Variants in MED13L observed in about 807,000 individuals in gnomAD.
MED13L encodes the protein mediator complex subunit 13L.
A neutral mutation model predicts 220.9 loss-of-function variants in MED13L; 7 were observed. That is an observed-to-expected ratio of 0.03 (90% CI 0.02 to 0.06). The LOEUF is 0.06. Among genes scored for constraint, MED13L ranks in the 10% least tolerant of loss-of-function variants. MED13L has a pLI of 1.00. For missense variants in MED13L, 1,965 were observed against 2,760.5 expected (o/e 0.71, Z 6.46); for synonymous variants, 1,011 against 1,015.2 (o/e 1.00, Z 0.08).
chr12:116,076,818 A>T (rs1870840674), intron 4 of MED13L, among the ~76,000 whole-genome samples: 1 of 152,222 alleles, frequency 6.6e-6, no homozygotes, highest in Non-Finnish European at 1.5e-5. Flanking sequence ...CCAATTTTTC[A>T]GTCATTACTG....
intron 4 of MED13L, among the ~76,000 whole-genome samples, chr12:116,065,879 A>C (rs1345722471): frequency 2.0e-5 from 3 of 152,260 alleles, no homozygotes; most frequent in Admixed American, 2.0e-4. Flanking sequence ...AAACAATGAC[A>C]GTTGCTCTAC....
At chr12:115,969,651 T>G (rs536360419) in intron 27 of MED13L, among the ~76,000 whole-genome samples, 3 of 151,926 alleles carry the variant, frequency 2.0e-5, no homozygotes, top group African/African-American at 4.8e-5. Flanking sequence ...CTCGGCTCAC[T>G]GCAACCTCTG....
At chr12:116,228,339 T>C (rs1869211716) in intron 2 of MED13L, among the ~76,000 whole-genome samples, 1 of 152,168 alleles carries the variant, frequency 6.6e-6, no homozygotes, top group Admixed American at 6.5e-5. Flanking sequence ...TTTCTAGAGA[T>C]AGGGTCTTAC....
chr12:115,982,387 G>T lies in MED13L; in HGVS notation c.5172C>A (p.Leu1724=). Residue 1724 remains leucine (L), a synonymous_variant, in exon 22 of 31, where the codon CTC becomes CTA. Coordinates refer to ENST00000281928, the MANE Select transcript of MED13L (RefSeq NM_015335.5). ...TAATAAACTTGCAAACAGTAACCTG[G>T]AGAATGAAAGAATTTCTCATATGCT... ...LPEHMRNSFI[L]QIVPCQYMLQ... 3 of 1,608,968 alleles carry T rather than the reference G, an allele frequency of 1.9e-6. No individual in the cohort carries two copies. Among genetic ancestry groups the T allele is most frequent in the Middle Eastern group, 1.7e-4 (1 of 6,042 alleles).
At chr12:116,171,590 G>T (rs192502384) in intron 2 of MED13L, among the ~76,000 whole-genome samples, 48 of 152,176 alleles carry the variant, frequency 3.2e-4, no homozygotes, top group Admixed American at 2.2e-3. Flanking sequence ...TCTTGCAATG[G>T]CTCCAGTTTT....
At chr12:115,965,141 CTATGTGTGTACGTG>C (rs1316083333) in intron 29 of MED13L, among the ~76,000 whole-genome samples, 1 of 152,146 alleles carries the variant, frequency 6.6e-6, no homozygotes, top group African/African-American at 2.4e-5. Flanking sequence ...ATATACACAG[CTATGTGTGTACGTG>C]TATATGTGTG....
At chr12:116,212,870 C>T (rs1166773166) in intron 2 of MED13L, among the ~76,000 whole-genome samples, 1 of 152,138 alleles carries the variant, frequency 6.6e-6, no homozygotes, top group Non-Finnish European at 1.5e-5. Context: ...TATTAATCAT[C>T]TTTTGAAACT....
intron 4 of MED13L, among the ~76,000 whole-genome samples, chr12:116,035,775 G>C (rs918453429): frequency 1.2e-4 from 18 of 151,964 alleles, no homozygotes; most frequent in Admixed American, 1.3e-4. Flanking sequence ...ATTTTTGGTA[G>C]AGACGGGGTT....
intron 21 of MED13L, among the ~76,000 whole-genome samples, chr12:115,982,909 A>G (rs1877427560): frequency 6.6e-6 from 1 of 152,244 alleles, no homozygotes; most frequent in African/African-American, 2.4e-5. Context: ...GTTTAATAAT[A>G]AAGTTTATAA....
chr12:116,193,059 C>T (rs565730932), intron 2 of MED13L, among the ~76,000 whole-genome samples: 11 of 152,234 alleles, frequency 7.2e-5, no homozygotes, highest in African/African-American at 2.4e-4. Flanking sequence ...ACTGGGGAGG[C>T]GGAGGTTCGC....
chr12:116,165,769 T>C (rs80330367), intron 2 of MED13L, among the ~76,000 whole-genome samples: 15 of 152,276 alleles, frequency 9.9e-5, no homozygotes, highest in Non-Finnish European at 1.2e-4. Context: ...ATATGTAACA[T>C]GGATTCTCCT....
chr12:116,120,477 TCACACACACACACACACA>T (rs1158069310), intron 2 of MED13L, among the ~76,000 whole-genome samples: 26 of 79,470 alleles, frequency 3.3e-4, no homozygotes, highest in South Asian at 6.0e-4. Flanking sequence ...TCTCTCTCTC[TCACACACACACACACACA>T]CACACACACA....
intron 2 of MED13L, among the ~76,000 whole-genome samples, chr12:116,235,414 T>A (rs945916469): frequency 6.6e-6 from 1 of 152,174 alleles, no homozygotes; most frequent in Admixed American, 6.5e-5. Flanking sequence ...CAATACTACA[T>A]TTAATTAGAA....
chr12:116,182,236 A>T (rs1304695608), intron 2 of MED13L, among the ~76,000 whole-genome samples: 2 of 152,182 alleles, frequency 1.3e-5, no homozygotes, highest in African/African-American at 4.8e-5. Flanking sequence ...ACCCATTCAA[A>T]CTGGTCTTAC....
rs180721532 is a variant in MED13L at position 116,006,338 on chromosome 12, G to C, written c.2312C>G (p.Ala771Gly). The change falls in exon 12 of 31, where the codon GCC becomes GGC. Residue 771 changes from alanine to glycine, a missense_variant. This residue lies in a region of MED13L where 818 missense variants were observed against 1,041.2 expected (regional missense o/e 0.79). Transcript: ENST00000281928. Reference sequence around the variant, plus strand: ...AGTAGCAGAACTGAAAATAGACATGGCATTTTTCCCATCAGGCACCGGCGT... The same window carrying C: ...AGTAGCAGAACTGAAAATAGACATGCCATTTTTCCCATCAGGCACCGGCGT... ...HSTPVPDGKN[A>G]MSIFSSATKT... 6 of 1,613,854 alleles carry C rather than the reference G, an allele frequency of 3.7e-6. No homozygotes were observed. In the East Asian group the frequency reaches 1.1e-4, roughly 30 times the overall value.
intron 1 of MED13L, among the ~76,000 whole-genome samples, chr12:116,259,654 T>G (rs889558309): frequency 2.0e-5 from 3 of 152,194 alleles, no homozygotes; most frequent in African/African-American, 7.2e-5. Context: ...TCTTTCTACC[T>G]TATGTGTGAT....
At chr12:116,062,653 A>T (rs1321534456) in intron 4 of MED13L, among the ~76,000 whole-genome samples, 1 of 151,888 alleles carries the variant, frequency 6.6e-6, no homozygotes, top group African/African-American at 2.4e-5. Flanking sequence ...ACACCAAGCT[A>T]ATTTTTGTAT....
intron 2 of MED13L, among the ~76,000 whole-genome samples, chr12:116,167,990 A>C (rs1261028931): frequency 6.6e-6 from 1 of 152,198 alleles, no homozygotes; most frequent in Non-Finnish European, 1.5e-5. Context: ...GCTTTAAAAA[A>C]AATAAAAATC....
At chr12:116,100,382 T>G (rs1389402116) in intron 3 of MED13L, among the ~76,000 whole-genome samples, 1 of 151,904 alleles carries the variant, frequency 6.6e-6, no homozygotes, top group Non-Finnish European at 1.5e-5. Flanking sequence ...GTGGATCACC[T>G]GAGGTCAGGA....
Sources: gnomAD v4.1 joint callset for allele counts (sites outside exome capture counted in the v4.1 genomes callset) on GRCh38, gnomAD v4.1.1 for gene constraint, gnomAD v4.1.1 regional missense constraint, MANE v1.5 for transcripts, NCBI Gene and HGNC (gene_info 2026-07-23, HGNC 2026-07-21) for gene names.